PTPN4: variants seen among roughly 807,000 people sequenced by gnomAD.
PTPN4 encodes the protein protein tyrosine phosphatase non-receptor type 4, also known as tyrosine-protein phosphatase non-receptor type 4.
Under a neutral mutation model 135.5 loss-of-function variants are expected in PTPN4, and 49 were observed. The ratio of observed to expected loss-of-function variants is 0.36; its 90% CI spans 0.29 to 0.46. The LOEUF is 0.46. Ranked by LOEUF, PTPN4 falls within the 20% of genes least tolerant of loss-of-function variation. The pLI is 1.00. For missense variants in PTPN4, 860 were observed against 1,101.0 expected, an observed-to-expected ratio of 0.78 and a Z score of 3.10; for synonymous variants, 333 against 369.9, an observed-to-expected ratio of 0.90 and a Z score of 1.14.
chr2:119,826,507 C>A (rs776810527), intron 2 of PTPN4, among the ~76,000 whole-genome samples: 1 of 152,186 alleles, frequency 6.6e-6, no homozygotes, highest in Non-Finnish European at 1.5e-5. Flanking sequence ...CATTTGGCAA[C>A]GTCTGTAGAC....
intron 8 of PTPN4, among the ~76,000 whole-genome samples, 174 bp downstream of exon 8, chr2:119,882,797 T>C (rs956495312): frequency 1.3e-5 from 2 of 152,168 alleles, no homozygotes; most frequent in Admixed American, 6.5e-5. Context: ...TTTCATAGAA[T>C]ATATGAAGCT....
intron 10 of PTPN4, among the ~76,000 whole-genome samples, chr2:119,903,583 A>C (rs1574396820): frequency 6.8e-6 from 1 of 147,278 alleles, no homozygotes; most frequent in Non-Finnish European, 1.5e-5. Flanking sequence ...ACACACACAC[A>C]CCTTTCAGGG....
At chr2:119,780,366 A>C (rs371878802) in intron 1 of PTPN4, among the ~76,000 whole-genome samples, 2 of 152,168 alleles carry the variant, frequency 1.3e-5, no homozygotes, top group East Asian at 3.8e-4. Context: ...TATTACCTAA[A>C]ACTCAGTCTG....
At chr2:119,812,677 A>G (rs1209491727) in intron 2 of PTPN4, among the ~76,000 whole-genome samples, 1 of 152,154 alleles carries the variant, frequency 6.6e-6, no homozygotes, top group Non-Finnish European at 1.5e-5. Context: ...ACTGTGGCCA[A>G]CCTATGGAGT....
chr2:119,904,540 A>G (rs1020253380), intron 10 of PTPN4, among the ~76,000 whole-genome samples: 9 of 152,182 alleles, frequency 5.9e-5, no homozygotes, highest in African/African-American at 2.2e-4. Context: ...TTAAGATACC[A>G]GAAGCTCAAA....
intron 3 of PTPN4, among the ~76,000 whole-genome samples, chr2:119,864,518 G>A (rs2104989281): frequency 6.6e-6 from 1 of 152,186 alleles, no homozygotes; most frequent in Non-Finnish European, 1.5e-5. Context: ...CCCTGTAGCT[G>A]TAGGCTGGCA....
rs1214785888 is a variant in PTPN4, at chr2:119,981,625, T to C, written c.*4555T>C. 1 of 152,072 alleles carries C rather than the reference T, an allele frequency of 6.6e-6. No homozygotes were observed. Among genetic ancestry groups the C allele is most frequent in the African/African-American group, 2.4e-5 (1 of 41,418 alleles). The allele number at this position is 152,072 out of a possible 1,614,324, so 9.4% of individuals were successfully genotyped here. A position where few individuals can be genotyped will look rare whatever the true frequency, so the allele number is the denominator to read the frequency against. On this transcript the variant is annotated 3_prime_UTR_variant, in exon 27 of 27. Coordinates refer to ENST00000263708, the MANE Select transcript of PTPN4 (RefSeq NM_002830.4). ...TAATTGATAATAATTTCAGCAATTT[T>C]ATTAAGAACCCAGTAAATTAATCCC...
At chr2:119,867,769 T>G (rs948376604) in intron 3 of PTPN4, among the ~76,000 whole-genome samples, 1 of 152,210 alleles carries the variant, frequency 6.6e-6, no homozygotes, top group Non-Finnish European at 1.5e-5. Flanking sequence ...ATTAACCTTG[T>G]ATCTTGAGAC....
chr2:119,932,295 T>C (rs1260490539), intron 13 of PTPN4, 129 bp from the exon 14 acceptor site: 1 of 946,126 alleles, frequency 1.1e-6, no homozygotes, highest in African/African-American at 1.7e-5. Flanking sequence ...AATGCATTAA[T>C]TTTTTACAAG....
At chr2:119,784,818 G>A (rs755259511) in intron 1 of PTPN4, among the ~76,000 whole-genome samples, 17 of 151,238 alleles carry the variant, frequency 1.1e-4, no homozygotes, top group Admixed American at 1.1e-3. Context: ...GATTATAGGC[G>A]TGAGCCACCA....
At chr2:119,847,046 A>T (rs1324732556) in intron 2 of PTPN4, among the ~76,000 whole-genome samples, 1 of 150,910 alleles carries the variant, frequency 6.6e-6, no homozygotes, top group African/African-American at 2.4e-5. Flanking sequence ...ATTGTATATT[A>T]GCCTTCTATT....
chr2:119,861,015 T>C (rs929614609), intron 2 of PTPN4, among the ~76,000 whole-genome samples: 8 of 149,168 alleles, frequency 5.4e-5, no homozygotes, highest in Non-Finnish European at 1.2e-4. Context: ...CATTGCACTC[T>C]AGCCTGGGCA....
chr2:119,836,185 A>G (rs1213257884), intron 2 of PTPN4, among the ~76,000 whole-genome samples: 2 of 152,234 alleles, frequency 1.3e-5, no homozygotes, highest in African/African-American at 2.4e-5. Flanking sequence ...TGCATACACC[A>G]CTACACACAT....
At chr2:119,843,432 CCCCACCTTT>C (rs1677414169) in intron 2 of PTPN4, among the ~76,000 whole-genome samples, 1 of 139,538 alleles carries the variant, frequency 7.2e-6, no homozygotes, top group African/African-American at 2.7e-5. Flanking sequence ...TCAATCTTTT[CCCCACCTTT>C]CCCGCCTTTC....
intron 15 of PTPN4, among the ~76,000 whole-genome samples, chr2:119,944,367 T>C (rs949881952): frequency 1.3e-5 from 2 of 152,232 alleles, no homozygotes; most frequent in African/African-American, 4.8e-5. Context: ...TTTTGGCCTT[T>C]GTGGAATGCT....
rs144338656 is a variant in PTPN4 at position 119,830,617 on chromosome 2, C to T, written c.138+20626C>T. Among the ~76,000 whole-genome samples the T allele has an allele frequency of 3.8e-3, 572 of 152,176 alleles. 3 individuals carry two copies. Among genetic ancestry groups the T allele is most frequent in the African/African-American group, 0.013 (535 of 41,532 alleles). On this transcript the variant is annotated intron_variant, in intron 2 of 26. Transcript: ENST00000263708. Reference sequence around the variant, plus strand: ...CAGAGTAGCTGAGATTATAGGCGCCCGTCACCACGCCCCGCTAATTTTTTA... The same window carrying T: ...CAGAGTAGCTGAGATTATAGGCGCCTGTCACCACGCCCCGCTAATTTTTTA...
chr2:119,869,475 T>C (rs567064236), intron 3 of PTPN4, among the ~76,000 whole-genome samples: 1 of 152,346 alleles, frequency 6.6e-6, no homozygotes, highest in South Asian at 2.1e-4. Flanking sequence ...GGAGTCTAAC[T>C]ATACATGCAT....
intron 5 of PTPN4, among the ~76,000 whole-genome samples, chr2:119,881,537 G>T (rs1216850395): frequency 1.3e-5 from 2 of 152,106 alleles, no homozygotes; most frequent in Non-Finnish European, 2.9e-5. Context: ...AATCTTGAGG[G>T]CTTCTATAAT....
At chr2:119,814,281 C>T (rs1558734178) in intron 2 of PTPN4, among the ~76,000 whole-genome samples, 1 of 152,132 alleles carries the variant, frequency 6.6e-6, no homozygotes, top group Admixed American at 6.6e-5. Context: ...CTGTACAATA[C>T]AGGCAGTATA....
Sources: allele counts gnomAD v4.1 joint callset (sites outside exome capture counted in the v4.1 genomes callset), GRCh38; gene constraint gnomAD v4.1.1; transcripts MANE v1.5; gene names NCBI Gene and HGNC (gene_info 2026-07-23, HGNC 2026-07-21).